The following PHGR1 variants were observed in gnomAD, a reference collection of about 807,000 sequenced individuals.
PHGR1 encodes the protein proline, histidine and glycine rich 1.
PHGR1 carries 3 observed loss-of-function variants against 4.9 expected under a neutral mutation model. The observed-to-expected ratio is 0.61, with a 90% CI of 0.28 to 1.58. The LOEUF is 1.58. Ranked by LOEUF, PHGR1 falls within the 40% of genes most tolerant of loss-of-function variation. The pLI, the probability that PHGR1 is intolerant of heterozygous loss-of-function variation, is 0.11. For synonymous variants in PHGR1, 32 were observed against 46.1 expected (o/e 0.69, Z 1.24); for missense variants, 81 against 118.7 (o/e 0.68, Z 1.48).
At chr15:40,353,550 A>T (rs1889242425) in intron 2 of PHGR1, 1 of 427,654 alleles carries the variant, frequency 2.3e-6, no homozygotes, top group South Asian at 3.1e-5. Flanking sequence ...GCTAGGGGTT[A>T]TGCTCAGGGA....
chr15:40,353,119 GTGTGTGT>G, intron 1 of PHGR1, 106 bp from the exon 2 acceptor site: 2 of 661,978 alleles, frequency 3.0e-6, no homozygotes, highest in African/African-American at 4.9e-5. Context: ...GGGTGTGTGT[GTGTGTGT>G]GTGTGTGTGT....
chr15:40,353,122 T>TGG, intron 1 of PHGR1, 110 bp from the exon 2 acceptor site: 1 of 781,070 alleles, frequency 1.3e-6, no homozygotes. Flanking sequence ...TGTGTGTGTG[T>TGG]GTGTGTGTGT....
chr15:40,353,091 T>G, intron 1 of PHGR1, 141 bp from the exon 2 acceptor site: 1 of 931,966 alleles, frequency 1.1e-6, no homozygotes, highest in Non-Finnish European at 1.6e-6. Context: ...AGCAGTTTTT[T>G]CCCTTTCTTC....
chr15:40,352,605 C>G (rs1379497157), intron 1 of PHGR1, among the ~76,000 whole-genome samples: 1 of 152,118 alleles, frequency 6.6e-6, no homozygotes, highest in Non-Finnish European at 1.5e-5. Context: ...GAGACAGGTA[C>G]AAGCAGCTAG....
chr15:40,354,134 A>G (rs909978171), intron 2 of PHGR1, among the ~76,000 whole-genome samples: 1 of 152,190 alleles, frequency 6.6e-6, no homozygotes, highest in Non-Finnish European at 1.5e-5. Flanking sequence ...ACAGGGACAC[A>G]CTGCTGAACC....
intron 3 of PHGR1, among the ~76,000 whole-genome samples, chr15:40,355,589 C>G (rs1197542641): frequency 6.6e-6 from 1 of 152,132 alleles, no homozygotes; most frequent in East Asian, 1.9e-4. Flanking sequence ...TTCCCCTCCT[C>G]AGCTCTTTCA....
intron 1 of PHGR1, among the ~76,000 whole-genome samples, chr15:40,352,018 T>C (rs1889212958): frequency 6.6e-6 from 1 of 152,192 alleles, no homozygotes; most frequent in Non-Finnish European, 1.5e-5. Flanking sequence ...ATTACAGGCA[T>C]GAGCCGCTGT....
rs551154849 is a variant in PHGR1, at chr15:40,355,040, A to C, written c.18+688A>C. 2.0e-5 allele frequency among the ~76,000 whole-genome samples: 3 copies of C among 152,196 alleles called. No homozygotes were observed. The East Asian group carries it at 5.8e-4, about 29-fold the overall frequency. ...CCTAGGAGGCAGAAGGAGACTGGGG[A>C]GTTATCCAGCCCAGACAGTGGGAGC... On this transcript the variant is annotated intron_variant, in intron 3 of 3. Transcript: ENST00000448599.
chr15:40,356,219 G>GCCTCCCCC lies in PHGR1; in HGVS notation c.167_168insTCCCCCCC (p.His60ProfsTer51). The GCCTCCCCC allele has an allele frequency of 6.6e-7, 1 of 1,518,896 alleles. No individual in the cohort carries two copies. Among genetic ancestry groups the GCCTCCCCC allele is most frequent in the East Asian group, 2.5e-5 (1 of 40,244 alleles). 94.1% of individuals were successfully genotyped at this position (1,518,896 alleles called of 1,614,324 possible). A position where few individuals can be genotyped will look rare whatever the true frequency, so the allele number is the denominator to read the frequency against. On this transcript the variant is annotated frameshift_variant, in exon 4 of 4. Transcript: ENST00000448599. LOFTEE classifies it low-confidence loss of function (END_TRUNC). ...CTGGCCATGGCCCAGGGCCCTGCGGGCCACCCCCCCACCATGGTCCAGGGC... is the reference window on the plus strand; with the variant it reads ...CTGGCCATGGCCCAGGGCCCTGCGGGCCTCCCCCCCACCCCCCCACCATGGTCCAGGGC...
intron 2 of PHGR1, chr15:40,353,618 C>T (rs1235633312): frequency 3.4e-6 from 1 of 294,660 alleles, no homozygotes; most frequent in African/African-American, 2.1e-5. Flanking sequence ...GGAGCTGTGC[C>T]ATCGGCTTCC....
chr15:40,353,138 T>TGC, intron 1 of PHGR1, 94 bp from the exon 2 acceptor site: 1 of 924,290 alleles, frequency 1.1e-6, no homozygotes, highest in South Asian at 1.5e-5. Context: ...TGTGTGTGTG[T>TGC]GTGTGTGTGC....
chr15:40,354,456 C>A, intron 3 of PHGR1, 104 bp downstream of exon 3: 1 of 1,369,262 alleles, frequency 7.3e-7, no homozygotes, highest in South Asian at 1.3e-5. Context: ...ACCACTTCCC[C>A]CAAATGAAAA....
chr15:40,353,298 G>A (rs1368300817), intron 2 of PHGR1, 31 bp downstream of exon 2: 2 of 1,551,454 alleles, frequency 1.3e-6, no homozygotes, highest in Non-Finnish European at 1.7e-6. Flanking sequence ...GCTGGGAATT[G>A]GAAGAAGGGA....
chr15:40,354,118 G>A (rs77050929), intron 2 of PHGR1, among the ~76,000 whole-genome samples: 9,310 of 152,252 alleles, frequency 0.061, 420 homozygotes, highest in Non-Finnish European at 0.084. Context: ...GCCAGCCCTT[G>A]AGCACACAGG....
intron 2 of PHGR1, among the ~76,000 whole-genome samples, 159 bp from the exon 3 acceptor site, chr15:40,354,186 T>C (rs988266952): frequency 1.3e-5 from 2 of 152,156 alleles, no homozygotes; most frequent in African/African-American, 4.8e-5. Flanking sequence ...AGAGAATGAA[T>C]GAAGGAATGA....
intron 1 of PHGR1, among the ~76,000 whole-genome samples, chr15:40,352,111 G>A (rs1239087834): frequency 1.3e-5 from 2 of 152,172 alleles, no homozygotes; most frequent in Admixed American, 1.3e-4. Context: ...GTTAAGGTGG[G>A]AGGATTGCTT....
rs577732705 is a variant in PHGR1, at chr15:40,354,826, C to T, written c.18+474C>T. Among the ~76,000 whole-genome samples, 22 of 152,252 alleles carry T rather than the reference C, an allele frequency of 1.4e-4. 1 individual carries two copies. The highest frequency in any genetic ancestry group is 3.4e-3 in the Middle Eastern group (1 of 294). ...CTGGCTACCACCAGCAGACTCAGTT[C>T]CTAGGCCTGGTCTGTGTGCCAACCC... On this transcript the variant is annotated intron_variant, in intron 3 of 3. Coordinates refer to ENST00000448599, the MANE Select transcript of PHGR1 (RefSeq NM_001145643.2).
At chr15:40,355,513 T>G (rs1394576904) in intron 3 of PHGR1, among the ~76,000 whole-genome samples, 1 of 152,208 alleles carries the variant, frequency 6.6e-6, no homozygotes. Flanking sequence ...ATAAAAAGAA[T>G]ACATACATCC....
At chr15:40,352,631 T>A (rs1889221343) in intron 1 of PHGR1, among the ~76,000 whole-genome samples, 1 of 152,142 alleles carries the variant, frequency 6.6e-6, no homozygotes, top group Non-Finnish European at 1.5e-5. Flanking sequence ...CATGGAAGGC[T>A]TTCCATTCAC....
Sources: gnomAD v4.1 joint callset for allele counts (sites outside exome capture counted in the v4.1 genomes callset) on GRCh38, gnomAD v4.1.1 for gene constraint, MANE v1.5 for transcripts, NCBI Gene and HGNC (gene_info 2026-07-23, HGNC 2026-07-21) for gene names.